KHDRBS2: variants seen among roughly 807,000 people sequenced by gnomAD.
The protein encoded by KHDRBS2 is KH RNA binding domain containing, signal transduction associated 2, also known as KH domain-containing, RNA-binding, signal transduction-associated protein 2.
A neutral mutation model predicts 44.3 loss-of-function variants in KHDRBS2; 26 were observed. The observed-to-expected ratio is 0.59, with a 90% CI of 0.43 to 0.81. The LOEUF is 0.81. Among genes scored for constraint, KHDRBS2 ranks in the 40% least tolerant of loss-of-function variants. The pLI is 0.00. For synonymous variants in KHDRBS2, 194 were observed against 151.1 expected, an observed-to-expected ratio of 1.28 and a Z score of -2.08; for missense variants, 476 against 433.1, an observed-to-expected ratio of 1.10 and a Z score of -0.88.
At chr6:61,557,111 T>C in the KHDRBS2 span, among the ~76,000 whole-genome samples, 1 of 152,156 alleles carries the variant, frequency 6.6e-6, no homozygotes. Flanking sequence ...GAAATAGTCT[T>C]GGGACCCCAG....
chr6:61,684,518 C>T (rs1473803885), intron 8 of KHDRBS2, among the ~76,000 whole-genome samples: 4 of 151,786 alleles, frequency 2.6e-5, no homozygotes, highest in Admixed American at 6.6e-5. Flanking sequence ...AGCCTTCCTA[C>T]GAATTTTAGA....
chr6:61,698,909 C>T (rs191438079), intron 7 of KHDRBS2, among the ~76,000 whole-genome samples: 211 of 152,132 alleles, frequency 1.4e-3, no homozygotes, highest in Middle Eastern at 6.8e-3. Flanking sequence ...GAGAGATTTC[C>T]CTGATCAGTC....
the KHDRBS2 span, among the ~76,000 whole-genome samples, chr6:61,566,260 G>C: frequency 1.3e-5 from 2 of 152,164 alleles, no homozygotes; most frequent in African/African-American, 4.8e-5. Flanking sequence ...CGAGGATAAA[G>C]AGAGGTTGGC....
chr6:61,724,755 G>A (rs1178306668), intron 7 of KHDRBS2, among the ~76,000 whole-genome samples: 1 of 152,090 alleles, frequency 6.6e-6, no homozygotes, highest in Non-Finnish European at 1.5e-5. Context: ...AACAAGAAGA[G>A]CTAACTATCA....
chr6:62,137,007 T>C lies in KHDRBS2; in HGVS notation c.219+40178A>G, dbSNP rs1409363408. Among the ~76,000 whole-genome samples the C allele has an allele frequency of 2.9e-5, 4 of 138,374 alleles. No individual in the cohort carries two copies. The East Asian group carries it at 8.3e-4, about 29-fold the overall frequency. 90.8% of individuals were successfully genotyped at this position (138,374 alleles called of 152,430 possible). On this transcript the variant is annotated intron_variant, in intron 2 of 8. Transcript: ENST00000281156. ...TTCTTTCTTTTCTTTTTTTTTTTTT[T>C]TTTTTTTTTTTGAGACGGAGTCTCC...
chr6:62,243,350 C>A (rs1444936251), intron 1 of KHDRBS2, among the ~76,000 whole-genome samples: 1 of 151,926 alleles, frequency 6.6e-6, no homozygotes, highest in Non-Finnish European at 1.5e-5. Context: ...TATATGTGCT[C>A]ATGGTTCAAT....
chr6:62,126,800 G>A (rs1809081384), intron 2 of KHDRBS2, among the ~76,000 whole-genome samples: 1 of 152,148 alleles, frequency 6.6e-6, no homozygotes, highest in Non-Finnish European at 1.5e-5. Context: ...TGTGATCCTT[G>A]AGACTACTGA....
intron 3 of KHDRBS2, among the ~76,000 whole-genome samples, chr6:62,013,234 C>G (rs1454865220): frequency 1.3e-5 from 2 of 152,134 alleles, no homozygotes; most frequent in Non-Finnish European, 2.9e-5. Flanking sequence ...GTATGGAAAG[C>G]TATAAGGCAC....
chr6:61,928,761 C>A (rs1809451780), intron 4 of KHDRBS2, among the ~76,000 whole-genome samples: 1 of 151,884 alleles, frequency 6.6e-6, no homozygotes, highest in African/African-American at 2.4e-5. Flanking sequence ...TTTTATCATG[C>A]TTGAGTTTTC....
intron 4 of KHDRBS2, among the ~76,000 whole-genome samples, chr6:61,940,239 G>T (rs1324547342): frequency 1.8e-5 from 2 of 111,604 alleles, no homozygotes; most frequent in African/African-American, 6.5e-5. Flanking sequence ...GTAAATAAAA[G>T]TTCAAAAAAA....
chr6:61,919,778 C>T (rs948584640), intron 4 of KHDRBS2, among the ~76,000 whole-genome samples: 7 of 151,594 alleles, frequency 4.6e-5, no homozygotes, highest in Non-Finnish European at 8.8e-5. Context: ...ATTTTGAAAA[C>T]CACTGGTTGG....
intron 6 of KHDRBS2, among the ~76,000 whole-genome samples, chr6:61,757,502 G>C (rs1778665821): frequency 6.6e-6 from 1 of 152,058 alleles, no homozygotes; most frequent in Non-Finnish European, 1.5e-5. Flanking sequence ...GCTGCATACA[G>C]TTTGGCCTTT....
intron 1 of KHDRBS2, among the ~76,000 whole-genome samples, chr6:62,275,824 T>C (rs1307414074): frequency 6.6e-6 from 1 of 152,190 alleles, no homozygotes; most frequent in Non-Finnish European, 1.5e-5. Context: ...TTTTAAAAAA[T>C]CCAAATTGAT....
At chr6:61,572,602 T>C in the KHDRBS2 span, among the ~76,000 whole-genome samples, 1 of 152,110 alleles carries the variant, frequency 6.6e-6, no homozygotes, top group Non-Finnish European at 1.5e-5. Flanking sequence ...TCCAAAAGCA[T>C]ATCAAAAAGA....
intron 6 of KHDRBS2, among the ~76,000 whole-genome samples, chr6:61,738,818 A>G (rs1251863907): frequency 6.6e-6 from 1 of 151,882 alleles, no homozygotes; most frequent in Admixed American, 6.6e-5. Flanking sequence ...TTCTATTCCA[A>G]TTTTAGGTTG....
intron 8 of KHDRBS2, among the ~76,000 whole-genome samples, chr6:61,693,843 AG>A (rs979473796): frequency 3.3e-5 from 5 of 152,282 alleles, no homozygotes; most frequent in Non-Finnish European, 7.4e-5. Context: ...GGGATTATAG[AG>A]GTGAGCCCTG....
chr6:61,948,423 T>G (rs1332992641), intron 4 of KHDRBS2, among the ~76,000 whole-genome samples: 1 of 152,026 alleles, frequency 6.6e-6, no homozygotes, highest in Non-Finnish European at 1.5e-5. Flanking sequence ...AAATGCATAC[T>G]TTTGCCATTG....
intron 7 of KHDRBS2, among the ~76,000 whole-genome samples, chr6:61,699,735 A>G (rs1266645184): frequency 6.6e-6 from 1 of 152,104 alleles, no homozygotes; most frequent in Non-Finnish European, 1.5e-5. Flanking sequence ...AAAGAGGGGC[A>G]GAGAGAACTT....
intron 2 of KHDRBS2, among the ~76,000 whole-genome samples, chr6:62,134,939 G>C (rs140208501): frequency 6.2e-4 from 95 of 152,276 alleles, no homozygotes; most frequent in African/African-American, 2.2e-3. Flanking sequence ...AGGCAGAAGG[G>C]ACTTGCCTTG....
Sources: gnomAD v4.1 joint callset for allele counts (sites outside exome capture counted in the v4.1 genomes callset) on GRCh38, gnomAD v4.1.1 for gene constraint, MANE v1.5 for transcripts, NCBI Gene and HGNC (gene_info 2026-07-23, HGNC 2026-07-21) for gene names.